The following ZC2HC1A variants were observed in gnomAD, a reference collection of about 807,000 sequenced individuals.
ZC2HC1A encodes the protein zinc finger C2HC-type containing 1A.
ZC2HC1A carries 28 observed loss-of-function variants against 40.7 expected under a neutral mutation model. The observed-to-expected ratio is 0.69, with a 90% CI of 0.51 to 0.94. The LOEUF (loss-of-function observed/expected upper bound fraction) is 0.94, where lower values mean the gene tolerates loss of function less well. Ranked by LOEUF, ZC2HC1A falls within the 40% of genes least tolerant of loss-of-function variation. The probability of loss-of-function intolerance (pLI) is 0.00; values close to 1 mark genes in which losing one functional copy is unlikely to be tolerated. For synonymous variants in ZC2HC1A, 129 were observed against 129.2 expected (o/e 1.00, Z 0.01); for missense variants, 389 against 386.3 (o/e 1.01, Z -0.06).
At chr8:78,701,538 A>G (rs1383008222) in intron 7 of ZC2HC1A, among the ~76,000 whole-genome samples, 1 of 152,166 alleles carries the variant, frequency 6.6e-6, no homozygotes, top group Non-Finnish European at 1.5e-5. Context: ...TATGTTGAAT[A>G]GGAGTGGTGA....
chr8:78,668,750 A>G (rs560926177), intron 1 of ZC2HC1A, among the ~76,000 whole-genome samples: 8 of 152,292 alleles, frequency 5.3e-5, no homozygotes, highest in African/African-American at 1.9e-4. Flanking sequence ...CTTTTCATCT[A>G]ATAAAATTTG....
intron 3 of ZC2HC1A, among the ~76,000 whole-genome samples, chr8:78,686,152 A>G (rs1368510774): frequency 3.3e-5 from 5 of 152,172 alleles, no homozygotes; most frequent in African/African-American, 1.2e-4. Flanking sequence ...TGGCAATTAC[A>G]TTTTAACATG....
chr8:78,708,111 G>A (rs761758392), intron 7 of ZC2HC1A, among the ~76,000 whole-genome samples: 2 of 152,120 alleles, frequency 1.3e-5, no homozygotes, highest in Non-Finnish European at 2.9e-5. Context: ...TATGACAACT[G>A]TTATTTCGAT....
intron 5 of ZC2HC1A, among the ~76,000 whole-genome samples, chr8:78,694,127 C>G (rs540708268): frequency 6.6e-6 from 1 of 152,062 alleles, no homozygotes; most frequent in Non-Finnish European, 1.5e-5. Flanking sequence ...TTGCAGTTGG[C>G]TGGCTATTTT....
intron 2 of ZC2HC1A, 50 bp from the exon 3 acceptor site, chr8:78,678,513 T>TA (rs1384239941): frequency 6.8e-7 from 1 of 1,463,672 alleles, no homozygotes; most frequent in African/African-American, 1.4e-5. Flanking sequence ...TCTGTAGTCT[T>TA]ACCTTCTGTA....
At chr8:78,703,717 G>A (rs747365526) in intron 7 of ZC2HC1A, among the ~76,000 whole-genome samples, 9 of 151,982 alleles carry the variant, frequency 5.9e-5, no homozygotes, top group South Asian at 2.1e-4. Context: ...CCAATGGATC[G>A]TGGTTCTTTA....
intron 4 of ZC2HC1A, among the ~76,000 whole-genome samples, chr8:78,687,587 A>AAATT (rs1810039156): frequency 7.1e-6 from 1 of 141,774 alleles, no homozygotes; most frequent in East Asian, 2.0e-4. Context: ...TTTACGTAAT[A>AAATT]AATTATATAT....
intron 5 of ZC2HC1A, among the ~76,000 whole-genome samples, chr8:78,696,016 A>G (rs1479227978): frequency 6.6e-6 from 1 of 152,028 alleles, no homozygotes; most frequent in African/African-American, 2.4e-5. Flanking sequence ...ATTTTTGAAA[A>G]TGATAATTTA....
chr8:78,676,465 A>T (rs1215187164), intron 2 of ZC2HC1A, among the ~76,000 whole-genome samples: 1 of 152,062 alleles, frequency 6.6e-6, no homozygotes, highest in Non-Finnish European at 1.5e-5. Flanking sequence ...TAATAAAGTT[A>T]GCTAACTAAA....
Position 78,697,478 on chromosome 8 carries a change from G to T in ZC2HC1A, c.576G>T (p.Gln192His). 6.2e-7 allele frequency: 1 copy of T among 1,606,762 alleles called. No individual in the cohort carries two copies. The highest frequency in any genetic ancestry group is 8.5e-7 in the Non-Finnish European group (1 of 1,178,444). ...TASSGSSRLP[Q>H]PSGAGKTVVG... ...CATCAGGATCTTCACGATTACCGCA[G>T]CCAAGTGGCGCTGGCAAAACTGTTG... Residue 192 changes from glutamine (Q) to histidine (H), a missense_variant, in exon 6 of 9, where the codon CAG becomes CAT. By Grantham distance (24) the Gln-to-His change is conservative (BLOSUM62 0). Coordinates refer to ENST00000263849, the MANE Select transcript of ZC2HC1A (RefSeq NM_016010.3).
intron 1 of ZC2HC1A, 145 bp from the exon 2 acceptor site, chr8:78,675,642 G>T: frequency 1.5e-6 from 1 of 660,942 alleles, no homozygotes. Context: ...CCTTTTCATA[G>T]ATAATTTTGC....
At chr8:78,706,657 A>G (rs933722211) in intron 7 of ZC2HC1A, among the ~76,000 whole-genome samples, 11 of 152,062 alleles carry the variant, frequency 7.2e-5, no homozygotes, top group African/African-American at 2.7e-4. Flanking sequence ...GTCCCAATGC[A>G]AGTACATGGA....
intron 7 of ZC2HC1A, among the ~76,000 whole-genome samples, chr8:78,700,260 G>A (rs1404291999): frequency 1.3e-5 from 2 of 152,124 alleles, no homozygotes; most frequent in Non-Finnish European, 1.5e-5. Context: ...CCGCATGTAT[G>A]TCTTCTTTTG....
At chr8:78,671,624 A>G (rs1347719209) in intron 1 of ZC2HC1A, among the ~76,000 whole-genome samples, 1 of 152,070 alleles carries the variant, frequency 6.6e-6, no homozygotes, top group Non-Finnish European at 1.5e-5. Flanking sequence ...AATTGAGCAG[A>G]TATTAGCCTC....
rs1354664253 is a variant in ZC2HC1A at position 78,717,556 on chromosome 8, C to T, written c.*63C>T. 6.7e-7 allele frequency: 1 copy of T among 1,481,662 alleles called. No homozygotes were observed. Among genetic ancestry groups the T allele is most frequent in the African/African-American group, 1.4e-5 (1 of 70,406 alleles). The allele number at this position is 1,481,662 out of a possible 1,614,324, so 91.8% of individuals were successfully genotyped here. A position where few individuals can be genotyped will look rare whatever the true frequency, so the allele number is the denominator to read the frequency against. The stretch of plus-strand genomic sequence containing the variant: ...TTTATGATTATTGCTGCTTGGACAG[C>T]TAGAGCACATCCTCTAGTTAGTTTG... On this transcript the variant is annotated 3_prime_UTR_variant, in exon 9 of 9. Coordinates refer to ENST00000263849, the MANE Select transcript of ZC2HC1A (RefSeq NM_016010.3).
chr8:78,680,644 G>A (rs1483952750), intron 3 of ZC2HC1A, among the ~76,000 whole-genome samples: 1 of 152,198 alleles, frequency 6.6e-6, no homozygotes, highest in South Asian at 2.1e-4. Flanking sequence ...AAAACAAAAG[G>A]TAGGCATAAT....
Position 78,674,198 on chromosome 8 carries a change from G to A in ZC2HC1A, c.17-1589G>A, listed in dbSNP as rs78895468. Among the ~76,000 whole-genome samples, 1,452 of 152,122 alleles carry A rather than the reference G, an allele frequency of 9.5e-3. 19 individuals carry two copies. The highest frequency in any genetic ancestry group is 0.033 in the African/African-American group (1,390 of 41,506). Reference sequence around the variant, plus strand: ...ATATTACTTAGTACATGCTTGGTACGTGGTTTTTCTATGTGCTGAATCCAT... The same window carrying A: ...ATATTACTTAGTACATGCTTGGTACATGGTTTTTCTATGTGCTGAATCCAT... On this transcript the variant is annotated intron_variant, in intron 1 of 8. Coordinates refer to ENST00000263849, the MANE Select transcript of ZC2HC1A (RefSeq NM_016010.3).
Position 78,668,787 on chromosome 8 carries a change from A to G in ZC2HC1A, c.16+2623A>G, listed in dbSNP as rs976800115. Among the ~76,000 whole-genome samples, 5 of 152,222 alleles carry G rather than the reference A, an allele frequency of 3.3e-5. No homozygotes were observed. The South Asian group carries it at 1.0e-3, about 31-fold the overall frequency. On this transcript the variant is annotated intron_variant, in intron 1 of 8. Transcript: ENST00000263849. ...GCCCCACAAAATCTATCTAAGGATA[A>G]TAGAAGTAGTTCTAGACTTGAGAGA...
At chr8:78,708,413 C>T (rs551068283) in intron 7 of ZC2HC1A, among the ~76,000 whole-genome samples, 4 of 152,166 alleles carry the variant, frequency 2.6e-5, no homozygotes, top group African/African-American at 9.6e-5. Context: ...TGCAGTGCCT[C>T]ACACCTGTAA....
Sources: allele counts gnomAD v4.1 joint callset (sites outside exome capture counted in the v4.1 genomes callset), GRCh38; gene constraint gnomAD v4.1.1; transcripts MANE v1.5; gene names NCBI Gene and HGNC (gene_info 2026-07-23, HGNC 2026-07-21).